SGMS2: variants seen among roughly 807,000 people sequenced by gnomAD.
The protein encoded by SGMS2 is sphingomyelin synthase 2, also known as phosphatidylcholine:ceramide cholinephosphotransferase 2.
In SGMS2, 21 loss-of-function variants were observed where a neutral mutation model predicts 43.8. The ratio of observed to expected loss-of-function variants is 0.48; its 90% confidence interval spans 0.34 to 0.69. The LOEUF (loss-of-function observed/expected upper bound fraction) is 0.69. SGMS2 is among the 30% of genes least tolerant of loss of function. The pLI, the probability that SGMS2 is intolerant of heterozygous loss-of-function variation, is 0.01. For synonymous variants in SGMS2, 167 were observed against 160.6 expected (o/e 1.04, Z -0.30); for missense variants, 384 against 443.2 (o/e 0.87, Z 1.20).
chr4:107,842,115 C>T (rs1350834214), intron 1 of SGMS2, among the ~76,000 whole-genome samples: 3 of 152,060 alleles, frequency 2.0e-5, no homozygotes. Context: ...GGTAAGAAAG[C>T]TGTAGTCTGT....
At chr4:107,853,353 CA>C (rs1478193883) in intron 1 of SGMS2, among the ~76,000 whole-genome samples, 4 of 152,122 alleles carry the variant, frequency 2.6e-5, no homozygotes, top group Non-Finnish European at 5.9e-5. Context: ...TTAAATTTAA[CA>C]GTCTATAATT....
chr4:107,853,158 A>C (rs1727246911), intron 1 of SGMS2, among the ~76,000 whole-genome samples: 3 of 152,180 alleles, frequency 2.0e-5, no homozygotes, highest in Non-Finnish European at 4.4e-5. Flanking sequence ...AAGAAAGAAC[A>C]AGATTGCCAA....
rs901202319 is a variant in SGMS2, at chr4:107,886,355, A to G, written c.-244-8955A>G. 7.7e-5 allele frequency among the ~76,000 whole-genome samples: 10 copies of G among 129,564 alleles called. No homozygotes were observed. In the South Asian group the frequency reaches 2.1e-3, roughly 27 times the overall value. 85.0% of individuals were successfully genotyped at this position (129,564 alleles called of 152,430 possible). A position where few individuals can be genotyped will look rare whatever the true frequency, so the allele number is the denominator to read the frequency against. On this transcript the variant is annotated intron_variant, in intron 2 of 6. Coordinates refer to ENST00000690982, the MANE Select transcript of SGMS2 (RefSeq NM_001375905.1). Reference sequence around the variant, plus strand: ...GCTGGGACTACAGGTGCACCACCACACCCAGCTAATTTTTTTTTTTTTTTT... The same window carrying G: ...GCTGGGACTACAGGTGCACCACCACGCCCAGCTAATTTTTTTTTTTTTTTT...
chr4:107,879,649 A>T (rs965840047), intron 2 of SGMS2, among the ~76,000 whole-genome samples: 1 of 151,890 alleles, frequency 6.6e-6, no homozygotes, highest in Admixed American at 6.6e-5. Context: ...TTTAGGAGAG[A>T]CAGGGTTTTG....
chr4:107,906,058 G>T (rs554573249), intron 5 of SGMS2, among the ~76,000 whole-genome samples: 90 of 152,248 alleles, frequency 5.9e-4, no homozygotes, highest in Non-Finnish European at 1.2e-3. Flanking sequence ...TTCCATGTTT[G>T]TGTCTGTTTT....
At chr4:107,834,225 T>C (rs964804286) in intron 1 of SGMS2, among the ~76,000 whole-genome samples, 1 of 152,260 alleles carries the variant, frequency 6.6e-6, no homozygotes, top group Non-Finnish European at 1.5e-5. Flanking sequence ...ACATTAAGTA[T>C]AGCAAGGTTT....
At chr4:107,850,900 C>T (rs764833971) in intron 1 of SGMS2, among the ~76,000 whole-genome samples, 75 of 152,306 alleles carry the variant, frequency 4.9e-4, no homozygotes, top group Non-Finnish European at 1.0e-3. Flanking sequence ...GATTCAGTTG[C>T]AAAACCTTCT....
intron 1 of SGMS2, among the ~76,000 whole-genome samples, chr4:107,854,811 G>A (rs1727326263): frequency 1.3e-5 from 2 of 152,200 alleles, no homozygotes; most frequent in South Asian, 4.1e-4. Context: ...TTGAGAAACA[G>A]TGAAAAACTA....
chr4:107,883,162 G>A (rs1729491654), intron 2 of SGMS2, among the ~76,000 whole-genome samples: 1 of 152,110 alleles, frequency 6.6e-6, no homozygotes, highest in Non-Finnish European at 1.5e-5. Flanking sequence ...CCGTCAATGA[G>A]CTTCAGATCT....
At position 107,864,512 on chromosome 4, in the gene SGMS2, A is replaced by G. The variant is rs548185621; in HGVS notation, c.-245+5959A>G. The G allele has an allele frequency of 2.0e-5, 3 of 152,308 alleles. No individual in the cohort carries two copies. The East Asian group carries it at 5.8e-4, about 29-fold the overall frequency. The allele number at this position is 152,308 out of a possible 1,614,324, so 9.4% of individuals were successfully genotyped here. A position where few individuals can be genotyped will look rare whatever the true frequency, so the allele number is the denominator to read the frequency against. On this transcript the variant is annotated intron_variant, in intron 2 of 6. Transcript: ENST00000690982. ...CAGAGTTGCCTCAAAAGCCAGTCAT[A>G]ATAGTTAATTTTGAATTAGGTAGAA...
intron 2 of SGMS2, among the ~76,000 whole-genome samples, chr4:107,872,918 G>C (rs935639958): frequency 6.6e-6 from 1 of 151,974 alleles, no homozygotes; most frequent in African/African-American, 2.4e-5. Context: ...TACAGATCCA[G>C]AATCACTTAT....
intron 1 of SGMS2, among the ~76,000 whole-genome samples, chr4:107,854,799 T>C (rs1165768406): frequency 6.6e-6 from 1 of 152,186 alleles, no homozygotes; most frequent in Non-Finnish European, 1.5e-5. Context: ...CCTTGGGATT[T>C]ATTGAGAAAC....
At chr4:107,838,321 T>G (rs1159874135) in intron 1 of SGMS2, among the ~76,000 whole-genome samples, 1 of 152,174 alleles carries the variant, frequency 6.6e-6, no homozygotes, top group African/African-American at 2.4e-5. Flanking sequence ...GTTGAGCATT[T>G]TTAGAGAAGT....
Position 107,888,075 on chromosome 4 carries a change from C to T in SGMS2, c.-244-7235C>T, listed in dbSNP as rs1009746478. ...CAAAATCAGTTCCTACAGTCTCATA[C>T]GCCCACCTCTTCCACGATAGTTCCT... On this transcript the variant is annotated intron_variant, in intron 2 of 6. Transcript: ENST00000690982. Among the ~76,000 whole-genome samples, 11 of 152,092 alleles carry T rather than the reference C, an allele frequency of 7.2e-5. No individual in the cohort carries two copies. The South Asian group carries it at 1.0e-3, about 14-fold the overall frequency.
At chr4:107,848,959 T>G (rs1197273293) in intron 1 of SGMS2, among the ~76,000 whole-genome samples, 1 of 152,218 alleles carries the variant, frequency 6.6e-6, no homozygotes, top group Non-Finnish European at 1.5e-5. Flanking sequence ...TCTAACAACC[T>G]ATTGCCAAAC....
chr4:107,899,742 G>C (rs1238632213), intron 4 of SGMS2, 50 bp downstream of exon 4: 2 of 1,251,342 alleles, frequency 1.6e-6, no homozygotes, highest in Non-Finnish European at 2.3e-6. Context: ...AACAGTTATT[G>C]ATCACTTACC....
chr4:107,899,767 C>T, intron 4 of SGMS2, 75 bp downstream of exon 4: 2 of 829,082 alleles, frequency 2.4e-6, no homozygotes, highest in Non-Finnish European at 3.7e-6. Context: ...ATTATACATT[C>T]TTCTAGACAC....
intron 2 of SGMS2, chr4:107,867,820 A>C (rs1728241254): frequency 1.3e-5 from 2 of 152,072 alleles, no homozygotes. Flanking sequence ...TATATGGAAC[A>C]CTTCGCGAAT....
At chr4:107,831,276 C>G (rs954739027) in intron 1 of SGMS2, among the ~76,000 whole-genome samples, 1 of 152,220 alleles carries the variant, frequency 6.6e-6, no homozygotes, top group Middle Eastern at 3.4e-3. Flanking sequence ...TATGTGTATG[C>G]TCTCCTGGAA....
Sources: allele counts gnomAD v4.1 joint callset (sites outside exome capture counted in the v4.1 genomes callset), GRCh38; gene constraint gnomAD v4.1.1; transcripts MANE v1.5; gene names NCBI Gene and HGNC (gene_info 2026-07-23, HGNC 2026-07-21).